SLC12A7: variants seen among roughly 807,000 people sequenced by gnomAD.
The protein encoded by SLC12A7 is K-Cl cotransporter 4.
In SLC12A7, 100 loss-of-function variants were observed where a neutral mutation model predicts 120.6. That is an observed-to-expected ratio of 0.83 (90% confidence interval 0.71 to 0.98). SLC12A7 has a LOEUF of 0.98. Among genes scored for constraint, SLC12A7 ranks in the 50% least tolerant of loss-of-function variants. The pLI is 0.00. For missense variants in SLC12A7, 1,373 were observed against 1,548.1 expected, an observed-to-expected ratio of 0.89 and a Z score of 1.90; for synonymous variants, 760 against 678.0, an observed-to-expected ratio of 1.12 and a Z score of -1.88.
At chr5:1,094,673 C>T (rs1740906181) in intron 1 of SLC12A7, among the ~76,000 whole-genome samples, 1 of 152,218 alleles carries the variant, frequency 6.6e-6, no homozygotes, top group South Asian at 2.1e-4. Flanking sequence ...CTCATTCAGC[C>T]AAATGTGGGC....
At chr5:1,080,184 CCCGGAGCCACGCAGAGG>C (rs879455525) in intron 9 of SLC12A7, among the ~76,000 whole-genome samples, 17 of 145,920 alleles carry the variant, frequency 1.2e-4, no homozygotes, top group Non-Finnish European at 1.8e-4. Context: ...CTCAGAGACA[CCCGGAGCCACGCAGAGG>C]CTCTACCCCC....
At chr5:1,155,081 C>G in the SLC12A7 span, among the ~76,000 whole-genome samples, 4,571 of 151,072 alleles carry the variant, frequency 0.03, 117 homozygotes, top group East Asian at 0.12. Flanking sequence ...TGCCTCCCCC[C>G]GCCCCCGCCC....
chr5:1,097,732 A>T (rs1195138787), intron 1 of SLC12A7, among the ~76,000 whole-genome samples: 1 of 152,142 alleles, frequency 6.6e-6, no homozygotes, highest in Non-Finnish European at 1.5e-5. Flanking sequence ...TGGTCCTCCC[A>T]GGTGGGGACT....
the SLC12A7 span, among the ~76,000 whole-genome samples, chr5:1,121,360 C>G: frequency 2.6e-5 from 4 of 152,216 alleles, no homozygotes; most frequent in Admixed American, 2.6e-4. Flanking sequence ...GGCTGTGCCC[C>G]TGAGGCCCAC....
chr5:1,136,990 C>T, the SLC12A7 span, among the ~76,000 whole-genome samples: 1 of 136,420 alleles, frequency 7.3e-6, no homozygotes, highest in African/African-American at 3.5e-5. Flanking sequence ...ACCACCAGGA[C>T]ACACATGTGC....
chr5:1,073,726 C>CT lies in SLC12A7; in HGVS notation c.2147_2148insA (p.Gln717AlafsTer199). ...TCAGGCCCTTGCCGGCCTTCAGCTG[C>CT]GACGTGAAGGACAGCAGGCGGGGGT... On this transcript the variant is annotated frameshift_variant, in exon 17 of 24. Coordinates refer to ENST00000264930, the MANE Select transcript of SLC12A7 (RefSeq NM_006598.3). LOFTEE classifies it high-confidence loss of function. 1.9e-6 allele frequency: 3 copies of CT among 1,577,952 alleles called. No individual in the cohort carries two copies. The highest frequency in any genetic ancestry group is 2.6e-6 in the Non-Finnish European group (3 of 1,159,874).
Position 1,053,443 on chromosome 5 carries a change from C to T in SLC12A7, c.3066G>A (p.Lys1022=), listed in dbSNP as rs1346040942. Residue 1022 remains lysine, a synonymous_variant, in exon 23 of 24, where the codon AAG becomes AAA. Transcript: ENST00000264930. ...SNVRRMHTAV[K]LNGVVLNKSQ... is the part of the protein sequence containing the mutation. ...ACTTGTTGAGGACGACGCCATTGAG[C>T]TTCACAGCCGTGTGCATCCGCCTGA... 3.1e-6 allele frequency: 5 copies of T among 1,613,874 alleles called. No homozygotes were observed. Among genetic ancestry groups the T allele is most frequent in the Admixed American group, 3.3e-5 (2 of 60,024 alleles).
At chr5:1,067,329 T>C (rs933216388) in intron 17 of SLC12A7, among the ~76,000 whole-genome samples, 8 of 151,824 alleles carry the variant, frequency 5.3e-5, no homozygotes, top group African/African-American at 1.9e-4. Flanking sequence ...CGCTGCGGGG[T>C]GGACACAGCC....
At position 1,085,395 on chromosome 5, in the gene SLC12A7, G is replaced by T; in HGVS notation, c.754C>A (p.Arg252Ser). 2 of 1,611,498 alleles carry T rather than the reference G, an allele frequency of 1.2e-6. No individual in the cohort carries two copies. The highest frequency in any genetic ancestry group is 1.7e-6 in the Non-Finnish European group (2 of 1,179,450). The change falls in exon 7 of 24, where the codon CGT (arginine) becomes AGT (serine). Residue 252 changes from arginine (R) to serine (S), a missense_variant. Transcript: ENST00000264930. ...GEAAAMLHNM[R>S]VYGTCTLVLM... ...ACGAGCGTGCACGTGCCGTACACAC[G>T]CATGTTGTGCAGCATGGCGGCCGCC...
chr5:1,093,463 G>C (rs1740744214), intron 3 of SLC12A7, 70 bp downstream of exon 3: 1 of 1,387,140 alleles, frequency 7.2e-7, no homozygotes, highest in South Asian at 1.3e-5. Context: ...CAACTGCCTT[G>C]CCGGCGTGAT....
At chr5:1,135,119 T>G in the SLC12A7 span, among the ~76,000 whole-genome samples, 1 of 152,162 alleles carries the variant, frequency 6.6e-6, no homozygotes, top group Admixed American at 6.5e-5. Context: ...AGGGCAAGAC[T>G]CCATCTCAAA....
At chr5:1,073,261 C>T (rs1737888339) in intron 17 of SLC12A7, among the ~76,000 whole-genome samples, 2 of 99,094 alleles carry the variant, frequency 2.0e-5, no homozygotes, top group Non-Finnish European at 3.7e-5. Flanking sequence ...CTTATGCAGC[C>T]CCCAGTGAGC....
intron 5 of SLC12A7, 43 bp from the exon 6 acceptor site, chr5:1,087,076 G>C (rs1442769543): frequency 6.3e-7 from 1 of 1,576,424 alleles, no homozygotes; most frequent in Admixed American, 1.8e-5. Context: ...GGGCGCACTT[G>C]GACTCGGACC....
At chr5:1,058,094 T>C (rs1232394539) in intron 21 of SLC12A7, among the ~76,000 whole-genome samples, 1 of 152,178 alleles carries the variant, frequency 6.6e-6, no homozygotes, top group Admixed American at 6.5e-5. Context: ...AAGCAGGCTG[T>C]GTCTGACCAG....
the SLC12A7 span, among the ~76,000 whole-genome samples, chr5:1,135,897 A>G: frequency 6.6e-6 from 1 of 151,488 alleles, no homozygotes; most frequent in East Asian, 1.9e-4. Flanking sequence ...TCCAAAACGC[A>G]CTCCCCGTTT....
Position 1,098,776 on chromosome 5 carries a change from G to GCACGCCCAGGCCCC in SLC12A7, c.125-4529_125-4528insGGGGCCTGGGCGTG, listed in dbSNP as rs1561102350. On this transcript the variant is annotated intron_variant, in intron 1 of 23. Transcript: ENST00000264930. ...ACACCCAGCCCCCCTCTAACCCTCT[G>GCACGCCCAGGCCCC]CTCACCCAGCCACCCTCTAACCCTC... Among the ~76,000 whole-genome samples the GCACGCCCAGGCCCC allele has an allele frequency of 8.2e-5, 9 of 109,474 alleles. 1 individual carries two copies. Among genetic ancestry groups the GCACGCCCAGGCCCC allele is most frequent in the African/African-American group, 1.3e-4 (4 of 30,796 alleles). The allele number at this position is 109,474 out of a possible 152,430, so 71.8% of individuals were successfully genotyped here.
At chr5:1,121,239 G>A in the SLC12A7 span, among the ~76,000 whole-genome samples, 1 of 152,154 alleles carries the variant, frequency 6.6e-6, no homozygotes, top group Non-Finnish European at 1.5e-5. Flanking sequence ...GGCCAGTGTG[G>A]TCCCCAGACA....
intron 1 of SLC12A7, among the ~76,000 whole-genome samples, chr5:1,106,211 G>A (rs762643116): frequency 1.3e-5 from 2 of 152,200 alleles, no homozygotes; most frequent in Non-Finnish European, 2.9e-5. Context: ...CCAGCACTCC[G>A]GGAGGCCGAA....
chr5:1,138,121 A>G, the SLC12A7 span, among the ~76,000 whole-genome samples: 2 of 152,176 alleles, frequency 1.3e-5, no homozygotes, highest in Non-Finnish European at 2.9e-5. Flanking sequence ...AGATCTTTGC[A>G]GTGTTACAGC....
Sources: gnomAD v4.1 joint callset for allele counts (sites outside exome capture counted in the v4.1 genomes callset) on GRCh38, gnomAD v4.1.1 for gene constraint, MANE v1.5 for transcripts, NCBI Gene and HGNC (gene_info 2026-07-23, HGNC 2026-07-21) for gene names.